RRBP1: variants seen among roughly 807,000 people sequenced by gnomAD.
RRBP1 encodes the protein ribosome-binding protein 1.
A neutral mutation model predicts 165.2 loss-of-function variants in RRBP1; 94 were observed. That is an observed-to-expected ratio of 0.57 (90% CI 0.48 to 0.68). The LOEUF (loss-of-function observed/expected upper bound fraction) is 0.68, where lower values mean the gene tolerates loss of function less well. Ranked by LOEUF, RRBP1 falls within the 30% of genes least tolerant of loss-of-function variation. RRBP1 has a pLI of 0.00. For missense variants in RRBP1, 1,676 were observed against 1,763.0 expected, an observed-to-expected ratio of 0.95 and a Z score of 0.88; for synonymous variants, 680 against 714.5, an observed-to-expected ratio of 0.95 and a Z score of 0.77.
At position 17,620,316 on chromosome 20, in the gene RRBP1, G is replaced by C. The variant is rs115998262; in HGVS notation, c.3562C>G (p.Leu1188Val). 1.2e-4 allele frequency: 193 copies of C among 1,613,736 alleles called. No individual in the cohort carries two copies. The African/African-American group carries it at 2.4e-3, about 20-fold the overall frequency. ...EEIVEKLKGE[L>V]ESSDQVREHT... ...GCACATACCTGGTCCGAACTTTCAA[G>C]TTCTCCTTTTAGCTTCTCTACAATC... Residue 1188 changes from leucine to valine, a missense_variant, in exon 18 of 25, where the codon CTT (leucine) becomes GTT (valine). Around this residue, in one of 5 missense-constraint regions of RRBP1, gnomAD observed 1,184 missense variants for 1,167.1 expected, o/e 1.01. Transcript: ENST00000377813.
chr20:17,661,990 C>T (rs1305136134), intron 2 of RRBP1, among the ~76,000 whole-genome samples: 6 of 152,116 alleles, frequency 3.9e-5, no homozygotes, highest in African/African-American at 1.4e-4. Context: ...CGGCCGGGCG[C>T]GGTGGCTCAC....
At chr20:17,624,724 AAGCTG>A in intron 12 of RRBP1, 56 bp from the exon 13 acceptor site, 6 of 1,288,124 alleles carry the variant, frequency 4.7e-6, no homozygotes, top group Non-Finnish European at 5.5e-6. Context: ...CGGGCTGCCT[AAGCTG>A]GTGTCAGACA....
intron 2 of RRBP1, among the ~76,000 whole-genome samples, chr20:17,666,160 T>C (rs1239165847): frequency 6.6e-6 from 1 of 152,222 alleles, no homozygotes; most frequent in Non-Finnish European, 1.5e-5. Context: ...TTTCTAACTA[T>C]AGAAGCTATC....
intron 2 of RRBP1, among the ~76,000 whole-genome samples, chr20:17,671,050 T>G (rs1405549526): frequency 6.6e-6 from 1 of 152,232 alleles, no homozygotes; most frequent in Admixed American, 6.5e-5. Context: ...TTCCAGGTCA[T>G]TCACTCTCTT....
rs975949460 is a variant in RRBP1, at chr20:17,659,722, C to T, written c.786G>A (p.Ala262=). 96 of 1,548,642 alleles carry T rather than the reference C, an allele frequency of 6.2e-5. No individual in the cohort carries two copies. In the African/African-American group the frequency reaches 6.6e-4, roughly 11 times the overall value. Residue 262 remains alanine (A), a synonymous_variant, in exon 3 of 25, where the codon GCG becomes GCA. Coordinates refer to ENST00000377813, the MANE Select transcript of RRBP1 (RefSeq NM_001365613.2). ...TTTTACCCTGGTTCTGGGCCCCCTC[C>T]GCCTTTTTGCCTTGGTTTGGGGTTC... ...AEGTPNQGKK[A]EGAQNQGKKV...
At chr20:17,671,405 G>A (rs2036976732) in intron 2 of RRBP1, among the ~76,000 whole-genome samples, 1 of 152,226 alleles carries the variant, frequency 6.6e-6, no homozygotes, top group South Asian at 2.1e-4. Flanking sequence ...TAAAGGTGCA[G>A]TCCTTCAATG....
chr20:17,620,170 T>C (rs2122253000), intron 18 of RRBP1, 129 bp downstream of exon 18: 2 of 727,104 alleles, frequency 2.8e-6, no homozygotes, highest in South Asian at 1.6e-5. Context: ...TCCCTTGGCT[T>C]GAGAGAGAAT....
At chr20:17,677,048 CA>C (rs1245594263) in intron 2 of RRBP1, among the ~76,000 whole-genome samples, 2 of 145,082 alleles carry the variant, frequency 1.4e-5, no homozygotes, top group Admixed American at 1.4e-4. Context: ...GTGCCCAGCC[CA>C]AAAAATCTAG....
intron 11 of RRBP1, among the ~76,000 whole-genome samples, chr20:17,626,649 G>A (rs907703950): frequency 4.6e-5 from 7 of 152,152 alleles, no homozygotes; most frequent in African/African-American, 1.7e-4. Context: ...CCCTAGCCAC[G>A]GCGGCCAGGA....
chr20:17,634,415 C>T (rs1428332869), intron 7 of RRBP1, among the ~76,000 whole-genome samples: 1 of 151,850 alleles, frequency 6.6e-6, no homozygotes, highest in African/African-American at 2.4e-5. Context: ...TCGTCTGTAC[C>T]GGGGAGGCCA....
chr20:17,666,600 A>T (rs1174415098), intron 2 of RRBP1, among the ~76,000 whole-genome samples: 2 of 152,196 alleles, frequency 1.3e-5, no homozygotes, highest in Non-Finnish European at 2.9e-5. Context: ...CTGTGGAAAA[A>T]AAGACAGTAT....
rs779146594 is a variant in RRBP1 at position 17,658,793 on chromosome 20, C to T, written c.1715G>A (p.Gly572Glu). 1 of 1,614,022 alleles carries T rather than the reference C, an allele frequency of 6.2e-7. No homozygotes were observed. Among genetic ancestry groups the T allele is most frequent in the Non-Finnish European group, 8.5e-7 (1 of 1,179,936 alleles). The change falls in exon 3 of 25, where the codon GGG becomes GAG. Residue 572 changes from glycine to glutamate, a missense_variant. By Grantham distance (98) the Gly-to-Glu change is moderately conservative. Coordinates refer to ENST00000377813, the MANE Select transcript of RRBP1 (RefSeq NM_001365613.2). ...GITNQGKKAEGSPSEGKKAEG... is the reference protein window; with the variant it reads ...GITNQGKKAEESPSEGKKAEG... ...TGCCTTTTTGCCTTCACTGGGGGACCCTTCTGCTTTTTTCCCCTGGTTTGT... is the reference window on the plus strand; with the variant it reads ...TGCCTTTTTGCCTTCACTGGGGGACTCTTCTGCTTTTTTCCCCTGGTTTGT...
At chr20:17,636,385 T>G (rs2036249087) in intron 6 of RRBP1, among the ~76,000 whole-genome samples, 192 bp downstream of exon 6, 1 of 152,238 alleles carries the variant, frequency 6.6e-6, no homozygotes, top group Non-Finnish European at 1.5e-5. Flanking sequence ...TACACACACT[T>G]GGGCTGCCAG....
chr20:17,665,494 C>T (rs546236970), intron 2 of RRBP1, among the ~76,000 whole-genome samples: 1 of 152,260 alleles, frequency 6.6e-6, no homozygotes, highest in East Asian at 1.9e-4. Flanking sequence ...GCCTCAGGCT[C>T]CCGAGTAGCT....
chr20:17,665,074 A>T (rs887567364), intron 2 of RRBP1, among the ~76,000 whole-genome samples: 1 of 151,540 alleles, frequency 6.6e-6, no homozygotes, highest in African/African-American at 2.4e-5. Context: ...ATATTTATTT[A>T]TATATATATG....
intron 3 of RRBP1, among the ~76,000 whole-genome samples, chr20:17,646,172 A>C (rs2036458690): frequency 6.6e-6 from 1 of 152,016 alleles, no homozygotes; most frequent in South Asian, 2.1e-4. Context: ...ACGGCACTTC[A>C]CCTCCAGGTG....
At chr20:17,676,855 C>G (rs1422452836) in intron 2 of RRBP1, among the ~76,000 whole-genome samples, 1 of 152,154 alleles carries the variant, frequency 6.6e-6, no homozygotes, top group Non-Finnish European at 1.5e-5. Context: ...TCAAATGATT[C>G]TCCTGCTTCA....
rs183998144 is a variant in RRBP1 at position 17,645,801 on chromosome 20, A to G, written c.1913-2674T>C. On this transcript the variant is annotated intron_variant, in intron 3 of 24. Coordinates refer to ENST00000377813, the MANE Select transcript of RRBP1 (RefSeq NM_001365613.2). ...TAACGCACTAAACTAAGTCTCTCAG[A>G]CTCAACACCTAGTCTGTGAAATCAC... 4.8e-4 allele frequency among the ~76,000 whole-genome samples: 73 copies of G among 152,328 alleles called. 2 individuals carry two copies. Among genetic ancestry groups the G allele is most frequent in the Admixed American group, 3.6e-3 (55 of 15,308 alleles).
At chr20:17,666,230 G>C (rs1276576873) in intron 2 of RRBP1, among the ~76,000 whole-genome samples, 1 of 152,074 alleles carries the variant, frequency 6.6e-6, no homozygotes, top group Non-Finnish European at 1.5e-5. Flanking sequence ...TTCGAAGCCA[G>C]GCACAGTGGT....
Sources: gnomAD v4.1 joint callset for allele counts (sites outside exome capture counted in the v4.1 genomes callset) on GRCh38, gnomAD v4.1.1 for gene constraint, gnomAD v4.1.1 regional missense constraint, MANE v1.5 for transcripts, NCBI Gene and HGNC (gene_info 2026-07-23, HGNC 2026-07-21) for gene names.